Variants in UGT1A10 observed in about 807,000 individuals in gnomAD.
The protein encoded by UGT1A10 is UDP-glucuronosyltransferase 1A10.
A neutral mutation model predicts 45.8 loss-of-function variants in UGT1A10; 49 were observed. The ratio of observed to expected loss-of-function variants is 1.07; its 90% CI spans 0.85 to 1.36. UGT1A10 has a LOEUF of 1.36. Among genes scored for constraint, UGT1A10 ranks in the 40% most tolerant of loss-of-function variants. The pLI, the probability that UGT1A10 is intolerant of heterozygous loss-of-function variation, is 0.00. For missense variants in UGT1A10, 745 were observed against 668.6 expected (o/e 1.11, Z -1.26); for synonymous variants, 284 against 249.7 (o/e 1.14, Z -1.29).
intron 1 of UGT1A10, among the ~76,000 whole-genome samples, chr2:233,694,329 G>A (rs2075215054): frequency 6.6e-6 from 1 of 151,356 alleles, no homozygotes; most frequent in Admixed American, 6.6e-5. Context: ...TTTATGTTGA[G>A]ACCTGTTTTT....
At chr2:233,664,122 G>T (rs1359927190) in intron 1 of UGT1A10, among the ~76,000 whole-genome samples, 1 of 152,102 alleles carries the variant, frequency 6.6e-6, no homozygotes, top group African/African-American at 2.4e-5. Context: ...GCATAGCAAG[G>T]GTGACCTTTG....
intron 1 of UGT1A10, chr2:233,689,935 C>T: frequency 2.2e-6 from 1 of 456,550 alleles, no homozygotes; most frequent in Non-Finnish European, 4.4e-6. Context: ...TCGAAAGAAC[C>T]CAAGATTTTC....
chr2:233,647,785 A>C, intron 1 of UGT1A10: 1 of 575,166 alleles, frequency 1.7e-6, no homozygotes, highest in Non-Finnish European at 2.8e-6. Flanking sequence ...TTTCCTAATC[A>C]GTCTGGGTAG....
intron 1 of UGT1A10, chr2:233,743,999 G>C (rs981482683): frequency 6.6e-6 from 8 of 1,219,924 alleles, no homozygotes; most frequent in African/African-American, 3.2e-5. Flanking sequence ...CCGAGTGCTC[G>C]GAGACCTGGG....
intron 1 of UGT1A10, among the ~76,000 whole-genome samples, chr2:233,665,656 C>A (rs934262573): frequency 1.3e-5 from 2 of 152,214 alleles, no homozygotes; most frequent in Non-Finnish European, 2.9e-5. Context: ...AGGCCCTTTG[C>A]TATCTGTAAT....
intron 1 of UGT1A10, among the ~76,000 whole-genome samples, chr2:233,658,288 G>A (rs1575406252): frequency 6.6e-6 from 1 of 152,032 alleles, no homozygotes; most frequent in Non-Finnish European, 1.5e-5. Flanking sequence ...CAAAGTGCTG[G>A]GATTACAGGT....
intron 1 of UGT1A10, among the ~76,000 whole-genome samples, chr2:233,751,217 A>G (rs1417978582): frequency 6.6e-6 from 1 of 151,982 alleles, no homozygotes; most frequent in East Asian, 1.9e-4. Context: ...TTTAAGATTT[A>G]ATGACTGCCC....
intron 4 of UGT1A10, among the ~76,000 whole-genome samples, chr2:233,768,995 A>C (rs771127427): frequency 6.6e-6 from 1 of 152,124 alleles, no homozygotes; most frequent in Admixed American, 6.5e-5. Context: ...CCCCCATTAG[A>C]TTTAAAACTC....
chr2:233,693,459 C>G (rs201855477), intron 1 of UGT1A10: 10 of 1,614,104 alleles, frequency 6.2e-6, no homozygotes, highest in Middle Eastern at 1.6e-4. Flanking sequence ...ACAGACCCAG[C>G]CTTACCCTGT....
At chr2:233,726,448 G>A (rs566259784) in intron 1 of UGT1A10, among the ~76,000 whole-genome samples, 1 of 152,244 alleles carries the variant, frequency 6.6e-6, no homozygotes, top group East Asian at 1.9e-4. Flanking sequence ...TCTTTCCACT[G>A]AATGTAAGCT....
intron 1 of UGT1A10, chr2:233,747,175 C>T (rs1385775895): frequency 1.8e-5 from 28 of 1,599,104 alleles, no homozygotes; most frequent in South Asian, 8.9e-5. Context: ...GGAGGCACAG[C>T]GTGGGGTGGA....
intron 1 of UGT1A10, among the ~76,000 whole-genome samples, chr2:233,736,665 A>C (rs1163835582): frequency 2.0e-5 from 3 of 152,142 alleles, no homozygotes; most frequent in Non-Finnish European, 4.4e-5. Flanking sequence ...TATGTACCTT[A>C]GGTCTTTGAT....
chr2:233,677,834 T>TA (rs139390163), intron 1 of UGT1A10, among the ~76,000 whole-genome samples: 5,658 of 151,902 alleles, frequency 0.037, 357 homozygotes, highest in African/African-American at 0.13. Flanking sequence ...TAGATATATG[T>TA]AAAAAAAATC....
chr2:233,657,158 G>C (rs1434871670), intron 1 of UGT1A10, among the ~76,000 whole-genome samples: 4 of 152,066 alleles, frequency 2.6e-5, no homozygotes, highest in African/African-American at 9.7e-5. Context: ...TGGCCTGCTG[G>C]CCCCCACTAG....
At chr2:233,682,715 G>T (rs753533001) in intron 1 of UGT1A10, 9 of 1,613,822 alleles carry the variant, frequency 5.6e-6, no homozygotes, top group Non-Finnish European at 7.6e-6. Context: ...CTTTGTTTTG[G>T]AGTATCCCAA....
chr2:233,694,907 G>A (rs1347121458), intron 1 of UGT1A10, among the ~76,000 whole-genome samples: 1 of 152,154 alleles, frequency 6.6e-6, no homozygotes, highest in African/African-American at 2.4e-5. Flanking sequence ...TTTGATACAC[G>A]TATACAATGT....
chr2:233,768,579 C>G (rs1408640204), intron 4 of UGT1A10, 140 bp downstream of exon 4: 7 of 934,896 alleles, frequency 7.5e-6, no homozygotes, highest in Non-Finnish European at 8.5e-6. Flanking sequence ...ATTTTTATTT[C>G]TTCTTTTTTT....
At chr2:233,706,642 G>C (rs1025573641) in intron 1 of UGT1A10, among the ~76,000 whole-genome samples, 2 of 152,160 alleles carry the variant, frequency 1.3e-5, no homozygotes, top group African/African-American at 4.8e-5. Context: ...TACTGTGTCT[G>C]TGCCCCATCA....
chr2:233,658,264 G>A (rs1015835106), intron 1 of UGT1A10, among the ~76,000 whole-genome samples: 10 of 152,060 alleles, frequency 6.6e-5, no homozygotes, highest in Non-Finnish European at 1.3e-4. Context: ...AGAGACCCAC[G>A]GACCTTGGCC....
Sources: gnomAD v4.1 joint callset for allele counts (sites outside exome capture counted in the v4.1 genomes callset) on GRCh38, gnomAD v4.1.1 for gene constraint, MANE v1.5 for transcripts, NCBI Gene and HGNC (gene_info 2026-07-23, HGNC 2026-07-21) for gene names.